The following DTNB variants were observed in gnomAD, a reference collection of about 807,000 sequenced individuals.
DTNB encodes dystrobrevin beta, also known as DTN-B.
Under a neutral mutation model 90.7 loss-of-function variants are expected in DTNB, and 63 were observed. The observed-to-expected ratio is 0.69, with a 90% CI of 0.57 to 0.86. DTNB has a LOEUF of 0.86. DTNB is among the 40% of genes least tolerant of loss of function. DTNB has a pLI of 0.00. For synonymous variants in DTNB, 277 were observed against 286.7 expected (o/e 0.97, Z 0.34); for missense variants, 744 against 807.1 (o/e 0.92, Z 0.95).
At chr2:25,634,498 T>C (rs1252883332) in intron 3 of DTNB, among the ~76,000 whole-genome samples, 33 of 137,832 alleles carry the variant, frequency 2.4e-4, no homozygotes, top group African/African-American at 7.9e-4. Context: ...TCTGCCCGGC[T>C]GCCCCTACTG....
chr2:25,538,780 C>G (rs2080446660), intron 8 of DTNB, among the ~76,000 whole-genome samples: 1 of 152,052 alleles, frequency 6.6e-6, no homozygotes, highest in Admixed American at 6.6e-5. Context: ...AGTTATAAAA[C>G]AAATACCTAC....
At chr2:25,396,731 T>TAA (rs35592591) in intron 16 of DTNB, among the ~76,000 whole-genome samples, 1,859 of 87,586 alleles carry the variant, frequency 0.021, 41 homozygotes, top group African/African-American at 0.041. Context: ...TAAAAGGAAC[T>TAA]AAAAAAAAAA....
intron 14 of DTNB, 52 bp downstream of exon 14, chr2:25,432,834 G>A: frequency 6.5e-7 from 1 of 1,529,720 alleles, no homozygotes; most frequent in Non-Finnish European, 8.8e-7. Flanking sequence ...CCTCAGATAA[G>A]TTCCATCCAT....
intron 8 of DTNB, among the ~76,000 whole-genome samples, chr2:25,548,377 T>C (rs956170706): frequency 2.0e-5 from 3 of 152,098 alleles, no homozygotes; most frequent in African/African-American, 7.2e-5. Flanking sequence ...AAGTTAGAAG[T>C]TTATATTCTT....
At chr2:25,647,196 A>G (rs1245746084) in intron 2 of DTNB, among the ~76,000 whole-genome samples, 1 of 152,232 alleles carries the variant, frequency 6.6e-6, no homozygotes, top group Non-Finnish European at 1.5e-5. Context: ...GGGTAACTAC[A>G]CAATGACAAA....
At chr2:25,469,171 A>C (rs1315053097) in intron 10 of DTNB, among the ~76,000 whole-genome samples, 8 of 152,156 alleles carry the variant, frequency 5.3e-5, no homozygotes. Context: ...AGAATATTTG[A>C]CCTAGTCCAG....
chr2:25,479,104 T>A (rs1022307630), intron 10 of DTNB, among the ~76,000 whole-genome samples: 1 of 152,224 alleles, frequency 6.6e-6, no homozygotes, highest in Admixed American at 6.5e-5. Context: ...AATATTAATA[T>A]ACCAACTGAA....
At chr2:25,430,680 A>T (rs1433656743) in intron 14 of DTNB, among the ~76,000 whole-genome samples, 1 of 152,206 alleles carries the variant, frequency 6.6e-6, no homozygotes, top group Non-Finnish European at 1.5e-5. Flanking sequence ...GGTAATGATA[A>T]ACCAAATTCT....
rs1181404414 is a variant in DTNB, at chr2:25,387,128, TG to T, written c.1825+160del. 1.6e-6 allele frequency: 1 copy of T among 607,798 alleles called. No individual in the cohort carries two copies. Among genetic ancestry groups the T allele is most frequent in the African/African-American group, 1.8e-5 (1 of 54,540 alleles). The allele number at this position is 607,798 out of a possible 1,614,324, so 37.7% of individuals were successfully genotyped here. On this transcript the variant is annotated intron_variant, in intron 18 of 20. Transcript: ENST00000406818. This position sits in a 1 kb window ranked among gnomAD's most constrained non-coding sequence, Gnocchi z 4.5. ...GCGATCCTGTGTGACAGAGGCTCTC[TG>T]GGTGGAGACATCCAGTGTGTTCCTA...
intron 9 of DTNB, among the ~76,000 whole-genome samples, chr2:25,489,487 C>T (rs928879668): frequency 2.0e-5 from 3 of 152,098 alleles, no homozygotes; most frequent in African/African-American, 7.2e-5. Flanking sequence ...GAGATTATCT[C>T]ATCCCATAAA....
chr2:25,474,735 G>C (rs754603039), intron 10 of DTNB, among the ~76,000 whole-genome samples: 4 of 152,272 alleles, frequency 2.6e-5, no homozygotes, highest in Middle Eastern at 6.8e-3. Flanking sequence ...TGGCAACCCT[G>C]AGTTGAGCAA....
At chr2:25,492,047 C>A (rs1507705) in intron 9 of DTNB, among the ~76,000 whole-genome samples, 1 of 151,712 alleles carries the variant, frequency 6.6e-6, no homozygotes, top group African/African-American at 2.4e-5. Flanking sequence ...CTATCTTTCA[C>A]GGCTGCACTT....
At chr2:25,431,994 T>C (rs1283687701) in intron 14 of DTNB, among the ~76,000 whole-genome samples, 1 of 152,194 alleles carries the variant, frequency 6.6e-6, no homozygotes, top group Non-Finnish European at 1.5e-5. Context: ...TGACAACTTT[T>C]ATTGATGATA....
intron 9 of DTNB, among the ~76,000 whole-genome samples, chr2:25,530,631 T>C (rs1412357943): frequency 6.6e-6 from 1 of 152,188 alleles, no homozygotes; most frequent in Non-Finnish European, 1.5e-5. Flanking sequence ...TGGATTATTT[T>C]AATAAATATA....
At chr2:25,420,504 A>G (rs909284443) in intron 15 of DTNB, among the ~76,000 whole-genome samples, 1 of 146,188 alleles carries the variant, frequency 6.8e-6, no homozygotes, top group Non-Finnish European at 1.5e-5. Context: ...CTATCTATCT[A>G]TCTATCTATC....
chr2:25,549,078 G>A (rs1391755225), intron 8 of DTNB, among the ~76,000 whole-genome samples: 1 of 151,932 alleles, frequency 6.6e-6, no homozygotes, highest in Non-Finnish European at 1.5e-5. Flanking sequence ...TATAATATAT[G>A]TAATAATATT....
intron 16 of DTNB, among the ~76,000 whole-genome samples, chr2:25,405,865 AC>A (rs757283411): frequency 1.3e-5 from 2 of 152,134 alleles, no homozygotes; most frequent in Non-Finnish European, 2.9e-5. Flanking sequence ...GGGCAATGGC[AC>A]AGAGGGACTG....
At chr2:25,602,085 G>A (rs1312749496) in intron 5 of DTNB, among the ~76,000 whole-genome samples, 2 of 151,882 alleles carry the variant, frequency 1.3e-5, no homozygotes, top group Non-Finnish European at 2.9e-5. Context: ...TCACACCACT[G>A]CACTCCAGCC....
rs1573697718 is a variant in DTNB, at chr2:25,388,328, T to G, written c.1609A>C (p.Thr537Pro). ...QATGSPHTSP[T>P]HGGGRPMPMP... Reference sequence around the variant, plus strand: ...GGCATTGGCCGGCCGCCTCCATGGGTGGGCGATGTATGTGGTGACCCTGTG... The same window carrying G: ...GGCATTGGCCGGCCGCCTCCATGGGGGGGCGATGTATGTGGTGACCCTGTG... Residue 537 changes from threonine to proline, a missense_variant, in exon 17 of 21, where the codon ACC becomes CCC. Physicochemically the swap from Thr to Pro is conservative, Grantham distance 38. Transcript: ENST00000406818. The G allele has an allele frequency of 6.2e-7, 1 of 1,612,844 alleles. No individual in the cohort carries two copies. Among genetic ancestry groups the G allele is most frequent in the Non-Finnish European group, 8.5e-7 (1 of 1,179,182 alleles).
Sources: allele counts gnomAD v4.1 joint callset (sites outside exome capture counted in the v4.1 genomes callset), GRCh38; gene constraint gnomAD v4.1.1; non-coding constraint Gnocchi (gnomAD v3.1); transcripts MANE v1.5; gene names NCBI Gene and HGNC (gene_info 2026-07-23, HGNC 2026-07-21).